The following ZFHX3 variants were observed in gnomAD, a reference collection of about 807,000 sequenced individuals.
The protein encoded by ZFHX3 is zinc finger homeobox protein 3.
ZFHX3 carries 42 observed loss-of-function variants against 279.1 expected under a neutral mutation model. The observed-to-expected ratio is 0.15, with a 90% CI of 0.12 to 0.19. The LOEUF (loss-of-function observed/expected upper bound fraction) is 0.19. Among genes scored for constraint, ZFHX3 ranks in the 10% least tolerant of loss-of-function variants. The pLI is 1.00. For missense variants in ZFHX3, 4,981 were observed against 4,754.0 expected, an observed-to-expected ratio of 1.05 and a Z score of -1.40; for synonymous variants, 2,293 against 1,957.8, an observed-to-expected ratio of 1.17 and a Z score of -4.52.
chr16:73,646,532 T>C (rs2052619703), intron 2 of ZFHX3, among the ~76,000 whole-genome samples: 1 of 151,884 alleles, frequency 6.6e-6, no homozygotes, highest in Admixed American at 6.6e-5. Flanking sequence ...TTTGATAAAA[T>C]AGATGAAAAG....
intron 1 of ZFHX3, among the ~76,000 whole-genome samples, chr16:73,837,640 CTTT>C: frequency 1.3e-5 from 2 of 152,090 alleles, no homozygotes; most frequent in African/African-American, 4.8e-5. Flanking sequence ...CTTTTCTTTT[CTTT>C]TCTTTTCTTT....
rs1042099627 is a variant in ZFHX3, at chr16:73,386,980, A to C, written c.-1290-68644T>G. ...TTCTCTCAGGATCCATTTTTCCAGT[A>C]GTTTTGAGAAAGCGACCAACAACAG... is the stretch of plus-strand genomic sequence containing the variant. On this transcript the variant is annotated intron_variant, in intron 3 of 17. Coordinates refer to the ZFHX3 transcript ENST00000641206. The C allele has an allele frequency of 2.0e-5, 3 of 152,152 alleles. No homozygotes were observed. The East Asian group carries it at 5.8e-4, about 29-fold the overall frequency. The allele number at this position is 152,152 out of a possible 1,614,324, so 9.4% of individuals were successfully genotyped here.
chr16:73,584,654 G>T (rs1348432399), intron 2 of ZFHX3, among the ~76,000 whole-genome samples: 3 of 152,092 alleles, frequency 2.0e-5, no homozygotes, highest in Non-Finnish European at 2.9e-5. Flanking sequence ...GATGAAGACG[G>T]GATAAGGTCA....
chr16:73,197,924 GTTTTTTTTTTTT>G (rs71156148), intron 5 of ZFHX3, among the ~76,000 whole-genome samples: 18 of 53,784 alleles, frequency 3.3e-4, no homozygotes, highest in Admixed American at 6.6e-4. Flanking sequence ...TGATTTGGTG[GTTTTTTTTTTTT>G]TTTTTTTTTT....
At position 73,122,372 on chromosome 16, in the gene ZFHX3, A is replaced by G. The variant is rs12599788; in HGVS notation, c.-897+8596T>C. Among the ~76,000 whole-genome samples, 185 of 139,028 alleles carry G rather than the reference A, an allele frequency of 1.3e-3. 5 individuals carry two copies. In the East Asian group the frequency reaches 0.035, roughly 26 times the overall value. The allele number at this position is 139,028 out of a possible 152,430, so 91.2% of individuals were successfully genotyped here. A position where few individuals can be genotyped will look rare whatever the true frequency, so the allele number is the denominator to read the frequency against. ...AGGTGCATGCCAGGCTAATTTTTGTATTTTTTTTTTTTTTAGTAGAGACAG... is the reference window on the plus strand; with the variant it reads ...AGGTGCATGCCAGGCTAATTTTTGTGTTTTTTTTTTTTTTAGTAGAGACAG... On this transcript the variant is annotated intron_variant, in intron 7 of 17. Transcript: ENST00000641206.
intron 1 of ZFHX3, among the ~76,000 whole-genome samples, chr16:73,017,088 G>A (rs916090987): frequency 9.2e-5 from 14 of 152,098 alleles, no homozygotes; most frequent in Admixed American, 3.9e-4. Context: ...TCAGCCAGGC[G>A]TGGGGGCATG....
At chr16:72,995,082 G>C (rs1419244659) in intron 1 of ZFHX3, among the ~76,000 whole-genome samples, 1 of 152,100 alleles carries the variant, frequency 6.6e-6, no homozygotes, top group African/African-American at 2.4e-5. Flanking sequence ...CAAAAATGTA[G>C]ACAGGGTTCC....
chr16:72,803,626 T>C (rs2036181286), intron 7 of ZFHX3, among the ~76,000 whole-genome samples: 1 of 152,178 alleles, frequency 6.6e-6, no homozygotes, highest in African/African-American at 2.4e-5. Context: ...CGAAAAAAGT[T>C]CTAAGGTTTG....
At chr16:73,616,453 C>T (rs183524614) in intron 2 of ZFHX3, among the ~76,000 whole-genome samples, 1 of 148,256 alleles carries the variant, frequency 6.7e-6, no homozygotes, top group East Asian at 2.0e-4. Flanking sequence ...ACCAATGCTG[C>T]TAGGTCTCCT....
At chr16:73,697,907 C>A (rs1425163467) in intron 1 of ZFHX3, among the ~76,000 whole-genome samples, 2 of 152,068 alleles carry the variant, frequency 1.3e-5, no homozygotes, top group African/African-American at 2.4e-5. Flanking sequence ...CTGTAGTGAA[C>A]ACACCTAGAG....
chr16:73,186,555 GTTT>G (rs77914659), intron 5 of ZFHX3, among the ~76,000 whole-genome samples: 1 of 138,340 alleles, frequency 7.2e-6, no homozygotes, highest in African/African-American at 2.6e-5. Context: ...TCCAGGAAAA[GTTT>G]TTTTTTTTTT....
At chr16:73,305,911 C>T (rs1245912509) in intron 4 of ZFHX3, among the ~76,000 whole-genome samples, 2 of 152,330 alleles carry the variant, frequency 1.3e-5, no homozygotes, top group Admixed American at 6.5e-5. Flanking sequence ...GAGAGCCACA[C>T]AGTCACAGAC....
intron 1 of ZFHX3, among the ~76,000 whole-genome samples, chr16:73,747,321 C>T (rs943425246): frequency 6.6e-6 from 1 of 152,106 alleles, no homozygotes; most frequent in East Asian, 1.9e-4. Context: ...GAGGTTGAAG[C>T]TGTAGTGACC....
At position 73,474,720 on chromosome 16, in the gene ZFHX3, T is replaced by C. The variant is rs556697049; in HGVS notation, c.-1546-18462A>G. Among the ~76,000 whole-genome samples, 6 of 152,320 alleles carry C rather than the reference T, an allele frequency of 3.9e-5. No homozygotes were observed. In the East Asian group the frequency reaches 1.2e-3, roughly 29 times the overall value. On this transcript the variant is annotated intron_variant, in intron 2 of 17. Coordinates refer to the ZFHX3 transcript ENST00000641206. Reference sequence around the variant, plus strand: ...CTTGCCCTGCTCTGGAACTAGACTATACACACCCTGACTTTAGTCTCATTC... The same window carrying C: ...CTTGCCCTGCTCTGGAACTAGACTACACACACCCTGACTTTAGTCTCATTC...
chr16:73,501,070 G>A (rs1597360051), intron 2 of ZFHX3, among the ~76,000 whole-genome samples: 1 of 152,106 alleles, frequency 6.6e-6, no homozygotes, highest in Non-Finnish European at 1.5e-5. Context: ...ACGATATTTT[G>A]TATATACCTT....
At chr16:73,654,255 TACG>T (rs969063518) in intron 2 of ZFHX3, among the ~76,000 whole-genome samples, 22 of 151,704 alleles carry the variant, frequency 1.5e-4, no homozygotes, top group Non-Finnish European at 3.1e-4. Flanking sequence ...AGTATTTAAG[TACG>T]ACATTTAACA....
intron 6 of ZFHX3, among the ~76,000 whole-genome samples, chr16:73,141,893 A>C (rs1966848602): frequency 6.6e-6 from 1 of 152,142 alleles, no homozygotes; most frequent in Non-Finnish European, 1.5e-5. Flanking sequence ...GCAGATTTGC[A>C]ACAAAGAGCA....
At chr16:73,825,319 T>A (rs1217533625) in intron 1 of ZFHX3, among the ~76,000 whole-genome samples, 2 of 45,652 alleles carry the variant, frequency 4.4e-5, no homozygotes, top group East Asian at 8.7e-4. Flanking sequence ...GTCAGATGAG[T>A]AGGTTGCGAA....
At chr16:73,758,472 T>C (rs894057020) in intron 1 of ZFHX3, among the ~76,000 whole-genome samples, 1 of 152,240 alleles carries the variant, frequency 6.6e-6, no homozygotes, top group Non-Finnish European at 1.5e-5. Flanking sequence ...AGTCATTCTT[T>C]ACTCAGCTGA....
Sources: allele counts gnomAD v4.1 joint callset (sites outside exome capture counted in the v4.1 genomes callset), GRCh38; gene constraint gnomAD v4.1.1; transcripts MANE v1.5; gene names NCBI Gene and HGNC (gene_info 2026-07-23, HGNC 2026-07-21).